PPP2R5E: variants seen among roughly 807,000 people sequenced by gnomAD.
The protein encoded by PPP2R5E is serine/threonine-protein phosphatase 2A 56 kDa regulatory subunit epsilon isoform.
PPP2R5E carries 4 observed loss-of-function variants against 65.3 expected under a neutral mutation model. That is an observed-to-expected ratio of 0.06 (90% CI 0.03 to 0.14). The LOEUF (loss-of-function observed/expected upper bound fraction) is 0.14, where lower values mean the gene tolerates loss of function less well. Among genes scored for constraint, PPP2R5E ranks in the 10% least tolerant of loss-of-function variants. The pLI is 1.00. For missense variants in PPP2R5E, 274 were observed against 556.1 expected, an observed-to-expected ratio of 0.49 and a Z score of 5.10; for synonymous variants, 183 against 187.4, an observed-to-expected ratio of 0.98 and a Z score of 0.19.
chr14:63,412,970 G>A (rs1886483831), intron 5 of PPP2R5E, among the ~76,000 whole-genome samples: 1 of 152,094 alleles, frequency 6.6e-6, no homozygotes, highest in Non-Finnish European at 1.5e-5. Context: ...ATTCTGGGGA[G>A]AATAAAGACA....
intron 13 of PPP2R5E, 146 bp from the exon 14 acceptor site, chr14:63,376,254 G>T: frequency 1.6e-6 from 1 of 610,026 alleles, no homozygotes; most frequent in East Asian, 2.9e-5. Context: ...AACAAAAATG[G>T]GAATGACTTA....
chr14:63,393,726 A>G (rs769903038), intron 8 of PPP2R5E, 94 bp downstream of exon 8: 10 of 882,622 alleles, frequency 1.1e-5, no homozygotes, highest in Admixed American at 5.0e-5. Context: ...AACAAAAACC[A>G]AAAAAACAAA....
intron 2 of PPP2R5E, among the ~76,000 whole-genome samples, chr14:63,526,526 TTCTC>T (rs1158730464): frequency 8.0e-5 from 12 of 150,828 alleles, no homozygotes; most frequent in East Asian, 3.9e-4. Context: ...CTCTTTCTCT[TTCTC>T]TCTCTCTCTC....
intron 2 of PPP2R5E, among the ~76,000 whole-genome samples, chr14:63,500,260 A>G: frequency 6.6e-6 from 1 of 152,236 alleles, no homozygotes; most frequent in East Asian, 1.9e-4. Flanking sequence ...TGAAAGTAAA[A>G]CTTGGTTTTC....
intron 2 of PPP2R5E, among the ~76,000 whole-genome samples, chr14:63,508,656 T>C (rs1892327904): frequency 6.6e-6 from 1 of 152,206 alleles, no homozygotes; most frequent in Non-Finnish European, 1.5e-5. Flanking sequence ...TCCTAGCTTG[T>C]CTTCCCCAAA....
chr14:63,501,224 T>C (rs1157216197), intron 2 of PPP2R5E, among the ~76,000 whole-genome samples: 3 of 151,580 alleles, frequency 2.0e-5, no homozygotes, highest in Admixed American at 1.3e-4. Flanking sequence ...ACAGTGAAAC[T>C]CCATCTCTAC....
At chr14:63,394,070 CTTTTTTTTTT>C (rs557273298) in intron 7 of PPP2R5E, 142 bp from the exon 8 acceptor site, 365 of 181,194 alleles carry the variant, frequency 2.0e-3, no homozygotes, top group East Asian at 7.8e-3. Context: ...TCAGAATTTC[CTTTTTTTTTT>C]TTTTTTTTTT....
rs1233531790 is a variant in PPP2R5E, at chr14:63,395,354, AGGAGGAGGAGGAGAAGGG to A, written c.681-87_681-70del. On this transcript the variant is annotated intron_variant, in intron 6 of 13. Coordinates refer to ENST00000337537, the MANE Select transcript of PPP2R5E (RefSeq NM_006246.5). ...AGGAGAAGGAAGGGATAAAAAGAGG[AGGAGGAGGAGGAGAAGGG>A]GGAGGAGGAGGAGAAGAGGAGGAGG... The A allele has an allele frequency of 1.5e-4, 118 of 813,078 alleles. No individual in the cohort carries two copies. In the African/African-American group the frequency reaches 2.2e-3, roughly 15 times the overall value. 50.4% of individuals were successfully genotyped at this position (813,078 alleles called of 1,614,324 possible).
At chr14:63,404,843 C>A (rs1248497619) in intron 5 of PPP2R5E, among the ~76,000 whole-genome samples, 2 of 152,168 alleles carry the variant, frequency 1.3e-5, no homozygotes, top group Non-Finnish European at 1.5e-5. Context: ...TTAAGACAAC[C>A]TATTTGGTCA....
intron 3 of PPP2R5E, among the ~76,000 whole-genome samples, chr14:63,439,673 C>T (rs73274605): frequency 0.044 from 6,732 of 152,230 alleles, 494 homozygotes; most frequent in African/African-American, 0.15. Flanking sequence ...CGCGCCCAGC[C>T]GGGTTCTGGT....
At chr14:63,424,250 C>A (rs562311878) in intron 3 of PPP2R5E, among the ~76,000 whole-genome samples, 22 of 152,126 alleles carry the variant, frequency 1.4e-4, no homozygotes, top group African/African-American at 5.1e-4. Flanking sequence ...AAGTTTATTT[C>A]TTTACTTGCT....
intron 3 of PPP2R5E, among the ~76,000 whole-genome samples, chr14:63,423,091 CA>C (rs1887130547): frequency 6.6e-6 from 1 of 152,202 alleles, no homozygotes; most frequent in South Asian, 2.1e-4. Flanking sequence ...GTATATGTTA[CA>C]ATATTTCCTT....
chr14:63,395,223 C>A lies in PPP2R5E; in HGVS notation c.740+3G>T. On this transcript the variant is annotated splice_donor_region_variant and intron_variant, in intron 7 of 13. Coordinates refer to ENST00000337537, the MANE Select transcript of PPP2R5E (RefSeq NM_006246.5). Reference sequence around the variant, plus strand: ...GATTAGCAATTAGAAAAACCGTGCTCACCTTCCTAATATTTCCAGCAGTTC... The same window carrying A: ...GATTAGCAATTAGAAAAACCGTGCTAACCTTCCTAATATTTCCAGCAGTTC... 1 of 1,607,946 alleles carries A rather than the reference C, an allele frequency of 6.2e-7. No individual in the cohort carries two copies. Among genetic ancestry groups the A allele is most frequent in the South Asian group, 1.1e-5 (1 of 90,854 alleles).
intron 2 of PPP2R5E, among the ~76,000 whole-genome samples, chr14:63,500,775 A>G (rs1891837355): frequency 6.6e-6 from 1 of 152,088 alleles, no homozygotes; most frequent in Non-Finnish European, 1.5e-5. Flanking sequence ...CTGAGGCAGG[A>G]GGATCTCTCG....
rs1355810173 is a variant in PPP2R5E, at chr14:63,449,601, G to T, written c.354+4088C>A. ...TTTCCTTACAGAACAGTAAGCACAC[G>T]TTCTATGGACTGTATATGTATGTAT... On this transcript the variant is annotated intron_variant, in intron 3 of 13. Transcript: ENST00000337537. Among the ~76,000 whole-genome samples, 3 of 152,080 alleles carry T rather than the reference G, an allele frequency of 2.0e-5. No individual in the cohort carries two copies. In the East Asian group the frequency reaches 5.8e-4, roughly 29 times the overall value.
chr14:63,394,904 C>A (rs577122439), intron 7 of PPP2R5E, among the ~76,000 whole-genome samples: 1 of 152,278 alleles, frequency 6.6e-6, no homozygotes, highest in South Asian at 2.1e-4. Context: ...GGCAAAGGAC[C>A]AGATAGCCTA....
intron 3 of PPP2R5E, among the ~76,000 whole-genome samples, chr14:63,426,577 T>C (rs1334708785): frequency 1.3e-5 from 2 of 151,768 alleles, no homozygotes; most frequent in Non-Finnish European, 2.9e-5. Flanking sequence ...ACGTTAAAGA[T>C]ATACACTGTG....
chr14:63,449,874 T>A (rs1039474693), intron 3 of PPP2R5E, among the ~76,000 whole-genome samples: 2 of 90,448 alleles, frequency 2.2e-5, no homozygotes, highest in Non-Finnish European at 4.2e-5. Flanking sequence ...CTTTTCCTAT[T>A]TTTTTTTTTT....
intron 2 of PPP2R5E, among the ~76,000 whole-genome samples, chr14:63,482,953 C>T (rs1276181849): frequency 2.0e-5 from 3 of 152,110 alleles, no homozygotes. Flanking sequence ...ACAAAGATTT[C>T]TGTCCTGCTG....
Sources: allele counts gnomAD v4.1 joint callset (sites outside exome capture counted in the v4.1 genomes callset), GRCh38; gene constraint gnomAD v4.1.1; transcripts MANE v1.5; gene names NCBI Gene and HGNC (gene_info 2026-07-23, HGNC 2026-07-21).